DGKI: variants seen among roughly 807,000 people sequenced by gnomAD.
The protein encoded by DGKI is DAG kinase iota.
Under a neutral mutation model 147.5 loss-of-function variants are expected in DGKI, and 55 were observed. The ratio of observed to expected loss-of-function variants is 0.37; its 90% CI spans 0.30 to 0.47. DGKI has a LOEUF of 0.47. Ranked by LOEUF, DGKI falls within the 20% of genes least tolerant of loss-of-function variation. The probability of loss-of-function intolerance (pLI) is 1.00; values close to 1 mark genes in which losing one functional copy is unlikely to be tolerated. For missense variants in DGKI, 1,007 were observed against 1,323.8 expected (o/e 0.76, Z 3.71); for synonymous variants, 469 against 477.1 (o/e 0.98, Z 0.22).
intron 28 of DGKI, among the ~76,000 whole-genome samples, chr7:137,413,941 ATC>A (rs1356397702): frequency 6.6e-6 from 1 of 152,202 alleles, no homozygotes; most frequent in African/African-American, 2.4e-5. Flanking sequence ...CCTCACCAAC[ATC>A]TGTTATTTTT....
intron 1 of DGKI, among the ~76,000 whole-genome samples, chr7:137,720,118 T>C (rs1794500861): frequency 6.6e-6 from 1 of 152,140 alleles, no homozygotes; most frequent in African/African-American, 2.4e-5. Flanking sequence ...AGCAGATCCT[T>C]TAAGTTACAC....
chr7:137,587,912 C>A (rs984797853), intron 12 of DGKI, among the ~76,000 whole-genome samples: 6 of 152,136 alleles, frequency 3.9e-5, no homozygotes, highest in Non-Finnish European at 8.8e-5. Context: ...CCTGTTTAAT[C>A]TTTTTCTAAG....
At chr7:137,634,425 A>G (rs1464543559) in intron 6 of DGKI, among the ~76,000 whole-genome samples, 1 of 152,224 alleles carries the variant, frequency 6.6e-6, no homozygotes, top group Non-Finnish European at 1.5e-5. Flanking sequence ...GCTATCTGCA[A>G]GAGGGAACTA....
At chr7:137,811,048 T>C (rs1797551373) in intron 1 of DGKI, among the ~76,000 whole-genome samples, 1 of 152,186 alleles carries the variant, frequency 6.6e-6, no homozygotes, top group Non-Finnish European at 1.5e-5. Flanking sequence ...GGCTAACATA[T>C]TTATTGTCAA....
At chr7:137,729,889 A>C (rs1794821218) in intron 1 of DGKI, among the ~76,000 whole-genome samples, 1 of 152,052 alleles carries the variant, frequency 6.6e-6, no homozygotes, top group Admixed American at 6.6e-5. Context: ...GGGGTGGAAA[A>C]GAGGATTCAT....
At chr7:137,693,307 C>T (rs1363367026) in intron 1 of DGKI, among the ~76,000 whole-genome samples, 1 of 152,092 alleles carries the variant, frequency 6.6e-6, no homozygotes, top group African/African-American at 2.4e-5. Context: ...CTCAAGCCCA[C>T]GGTCAGCAAA....
At chr7:137,788,476 A>G (rs775140919) in intron 1 of DGKI, among the ~76,000 whole-genome samples, 5 of 152,062 alleles carry the variant, frequency 3.3e-5, no homozygotes, top group East Asian at 1.9e-4. Flanking sequence ...CCTCCCAGAC[A>G]TGACTTCTCT....
chr7:137,481,069 C>T (rs2128933751), intron 23 of DGKI, among the ~76,000 whole-genome samples: 1 of 152,214 alleles, frequency 6.6e-6, no homozygotes, highest in African/African-American at 2.4e-5. Context: ...ACTCAGGGTT[C>T]CTCAAGCTCT....
chr7:137,756,900 A>G (rs998674601), intron 1 of DGKI, among the ~76,000 whole-genome samples: 2 of 152,030 alleles, frequency 1.3e-5, no homozygotes, highest in Non-Finnish European at 2.9e-5. Context: ...TTAATTTTCA[A>G]TTTCTCATCC....
chr7:137,658,399 A>C (rs1311420221), intron 3 of DGKI, among the ~76,000 whole-genome samples: 1 of 152,196 alleles, frequency 6.6e-6, no homozygotes, highest in Admixed American at 6.5e-5. Flanking sequence ...TCACATTGCT[A>C]ATCAGAGTTA....
intron 14 of DGKI, among the ~76,000 whole-genome samples, chr7:137,583,823 G>A (rs1020164001): frequency 3.3e-5 from 5 of 151,660 alleles, no homozygotes; most frequent in African/African-American, 7.3e-5. Context: ...AAAAAGCTTC[G>A]TATCTCAAGA....
intron 1 of DGKI, among the ~76,000 whole-genome samples, chr7:137,760,394 C>A (rs2116802183): frequency 6.6e-6 from 1 of 152,312 alleles, no homozygotes; most frequent in South Asian, 2.1e-4. Context: ...TCTGCTCCAG[C>A]CCACCTCCTG....
At chr7:137,609,645 C>G (rs1820300707) in intron 8 of DGKI, 36 bp from the exon 9 acceptor site, 5 of 1,521,078 alleles carry the variant, frequency 3.3e-6, no homozygotes, top group South Asian at 1.1e-5. Flanking sequence ...AGCTCAGAGG[C>G]AGCCAGCCCA....
chr7:137,544,819 T>C (rs894944614), intron 20 of DGKI, among the ~76,000 whole-genome samples: 1 of 152,188 alleles, frequency 6.6e-6, no homozygotes, highest in Non-Finnish European at 1.5e-5. Context: ...AAGTCTACTG[T>C]GTAAAATACA....
intron 1 of DGKI, among the ~76,000 whole-genome samples, chr7:137,833,893 G>A (rs529105404): frequency 7.2e-5 from 11 of 152,300 alleles, no homozygotes; most frequent in African/African-American, 2.6e-4. Context: ...AGGAAAAACA[G>A]GGTTTTGGAT....
At chr7:137,486,266 T>C (rs780743799) in intron 22 of DGKI, among the ~76,000 whole-genome samples, 3 of 152,126 alleles carry the variant, frequency 2.0e-5, no homozygotes, top group Admixed American at 6.5e-5. Context: ...GTTAGTTAAG[T>C]TGGTTTTTAA....
intron 6 of DGKI, among the ~76,000 whole-genome samples, chr7:137,642,044 G>A (rs1279495867): frequency 1.2e-5 from 1 of 84,776 alleles, no homozygotes; most frequent in African/African-American, 4.7e-5. Context: ...TCAGAGACAT[G>A]TTTACAGCAA....
intron 20 of DGKI, among the ~76,000 whole-genome samples, chr7:137,543,730 T>C (rs1232134670): frequency 6.6e-6 from 1 of 152,152 alleles, no homozygotes; most frequent in African/African-American, 2.4e-5. Context: ...CACTTAACGA[T>C]ACTGGGGCTC....
rs1023119212 is a variant in DGKI at position 137,738,729 on chromosome 7, C to G, written c.402-48727G>C. Among the ~76,000 whole-genome samples, 14 of 149,894 alleles carry G rather than the reference C, an allele frequency of 9.3e-5. No homozygotes were observed. The East Asian group carries it at 1.2e-3, about 13-fold the overall frequency. On this transcript the variant is annotated intron_variant, in intron 1 of 32. Coordinates refer to ENST00000614521, the MANE Select transcript of DGKI (RefSeq NM_001321708.2). Reference sequence around the variant, plus strand: ...ATTCACAGAGAAGATGAGGTTCCCCCCCCCCCTTTCCTTTTCATATCCGAT... The same window carrying G: ...ATTCACAGAGAAGATGAGGTTCCCCGCCCCCCTTTCCTTTTCATATCCGAT...
Sources: allele counts gnomAD v4.1 joint callset (sites outside exome capture counted in the v4.1 genomes callset), GRCh38; gene constraint gnomAD v4.1.1; transcripts MANE v1.5; gene names NCBI Gene and HGNC (gene_info 2026-07-23, HGNC 2026-07-21).